CGNL1: variants seen among roughly 807,000 people sequenced by gnomAD.
CGNL1 encodes the protein cingulin-like protein 1.
In CGNL1, 132 loss-of-function variants were observed where a neutral mutation model predicts 141.2. The ratio of observed to expected loss-of-function variants is 0.93; its 90% CI spans 0.81 to 1.08. CGNL1 has a LOEUF of 1.08. Among genes scored for constraint, CGNL1 ranks in the 50% least tolerant of loss-of-function variants. The pLI, the probability that CGNL1 is intolerant of heterozygous loss-of-function variation, is 0.00. For synonymous variants in CGNL1, 690 were observed against 622.1 expected (o/e 1.11, Z -1.63); for missense variants, 1,870 against 1,588.6 (o/e 1.18, Z -3.01).
chr15:57,468,905 C>T (rs1444250005), intron 8 of CGNL1, among the ~76,000 whole-genome samples: 3 of 152,210 alleles, frequency 2.0e-5, no homozygotes, highest in African/African-American at 7.2e-5. Context: ...TCCTCATTCT[C>T]TCTTTGCCTG....
intron 7 of CGNL1, among the ~76,000 whole-genome samples, chr15:57,454,119 A>G (rs929474996): frequency 6.6e-6 from 1 of 152,108 alleles, no homozygotes; most frequent in Non-Finnish European, 1.5e-5. Flanking sequence ...CATTTTTGGG[A>G]GAGGGAATAA....
chr15:57,476,052 G>A (rs907429022), intron 8 of CGNL1, among the ~76,000 whole-genome samples: 3 of 152,128 alleles, frequency 2.0e-5, no homozygotes, highest in East Asian at 1.9e-4. Context: ...GCGAAATCTG[G>A]GGTGCAGAGA....
intron 4 of CGNL1, among the ~76,000 whole-genome samples, chr15:57,446,241 C>T (rs1001930950): frequency 6.6e-6 from 1 of 152,152 alleles, no homozygotes; most frequent in African/African-American, 2.4e-5. Flanking sequence ...GTAAATTACA[C>T]AAATTCCATC....
At chr15:57,503,130 C>T (rs572644278) in intron 8 of CGNL1, among the ~76,000 whole-genome samples, 18 of 152,182 alleles carry the variant, frequency 1.2e-4, no homozygotes, top group African/African-American at 2.4e-4. Context: ...TGCAGAGCCT[C>T]GCTGTAACAC....
At chr15:57,472,022 G>A (rs1200714479) in intron 8 of CGNL1, among the ~76,000 whole-genome samples, 1 of 152,008 alleles carries the variant, frequency 6.6e-6, no homozygotes, top group African/African-American at 2.4e-5. Flanking sequence ...AAGATCACTT[G>A]CGCCCAGGAG....
intron 1 of CGNL1, among the ~76,000 whole-genome samples, chr15:57,399,166 C>T (rs1379836330): frequency 6.6e-6 from 1 of 152,144 alleles, no homozygotes; most frequent in Admixed American, 6.5e-5. Context: ...TTAGTATATT[C>T]ATCACCTCAA....
chr15:57,468,213 TTTTTC>T (rs149761330), intron 8 of CGNL1, among the ~76,000 whole-genome samples: 2,860 of 148,136 alleles, frequency 0.019, 35 homozygotes, highest in Non-Finnish European at 0.029. Flanking sequence ...TTTTTCTTTC[TTTTTC>T]TTTTCTTTTC....
chr15:57,482,476 G>C (rs1283430247), intron 8 of CGNL1, among the ~76,000 whole-genome samples: 2 of 152,186 alleles, frequency 1.3e-5, no homozygotes, highest in Admixed American at 6.5e-5. Context: ...TAAGGTGGAA[G>C]TTTAGTTTGA....
intron 8 of CGNL1, chr15:57,478,359 T>G (rs1445863877): frequency 6.6e-6 from 1 of 152,292 alleles, no homozygotes; most frequent in Non-Finnish European, 1.5e-5. Flanking sequence ...CATTTTAAAT[T>G]CACAGCTTTT....
At chr15:57,410,841 A>G (rs1018435385) in intron 1 of CGNL1, among the ~76,000 whole-genome samples, 1 of 152,148 alleles carries the variant, frequency 6.6e-6, no homozygotes, top group African/African-American at 2.4e-5. Context: ...ATAAAATGCA[A>G]TCCTTAATAA....
intron 1 of CGNL1, among the ~76,000 whole-genome samples, chr15:57,433,865 T>A (rs1196178179): frequency 6.6e-6 from 1 of 151,980 alleles, no homozygotes; most frequent in Non-Finnish European, 1.5e-5. Context: ...CTTGAGAAAT[T>A]GAACAACTCC....
At chr15:57,410,394 G>A (rs2062773151) in intron 1 of CGNL1, among the ~76,000 whole-genome samples, 1 of 152,144 alleles carries the variant, frequency 6.6e-6, no homozygotes, top group Non-Finnish European at 1.5e-5. Context: ...TACCACCATT[G>A]GGCTGTATTT....
chr15:57,450,182 T>G (rs2063304781), intron 4 of CGNL1, among the ~76,000 whole-genome samples: 5 of 152,218 alleles, frequency 3.3e-5, no homozygotes, highest in Admixed American at 3.3e-4. Flanking sequence ...AAGCAAAGAA[T>G]GAGTTTCTGT....
At chr15:57,449,910 A>G (rs2063301297) in intron 4 of CGNL1, among the ~76,000 whole-genome samples, 1 of 152,036 alleles carries the variant, frequency 6.6e-6, no homozygotes. Context: ...TTTAGTATTG[A>G]GTATTAATAT....
At chr15:57,398,047 C>A (rs1345135413) in intron 1 of CGNL1, among the ~76,000 whole-genome samples, 2 of 152,198 alleles carry the variant, frequency 1.3e-5, no homozygotes, top group Non-Finnish European at 2.9e-5. Context: ...TCCCAAAGTG[C>A]TGGGATTACA....
chr15:57,382,308 G>A (rs890422368), intron 1 of CGNL1, among the ~76,000 whole-genome samples: 4 of 152,190 alleles, frequency 2.6e-5, no homozygotes, highest in African/African-American at 9.7e-5. Context: ...AGAAGGATCA[G>A]CTCCAAGGAA....
chr15:57,424,594 T>A (rs1296123984), intron 1 of CGNL1, among the ~76,000 whole-genome samples: 1 of 152,158 alleles, frequency 6.6e-6, no homozygotes, highest in African/African-American at 2.4e-5. Flanking sequence ...GCCATTCCAG[T>A]GTCTGTGTTT....
At chr15:57,398,017 G>T (rs548255550) in intron 1 of CGNL1, among the ~76,000 whole-genome samples, 2 of 152,080 alleles carry the variant, frequency 1.3e-5, no homozygotes, top group Non-Finnish European at 2.9e-5. Context: ...TCCTGACCTC[G>T]AGATGCGCCT....
intron 14 of CGNL1, among the ~76,000 whole-genome samples, chr15:57,539,695 C>T (rs1325715607): frequency 3.9e-5 from 6 of 152,220 alleles, no homozygotes; most frequent in Non-Finnish European, 8.8e-5. Context: ...TACCGGCAGT[C>T]CTTGCCCTTC....
Sources: allele counts gnomAD v4.1 joint callset (sites outside exome capture counted in the v4.1 genomes callset), GRCh38; gene constraint gnomAD v4.1.1; transcripts MANE v1.5; gene names NCBI Gene and HGNC (gene_info 2026-07-23, HGNC 2026-07-21).